NET1: variants seen among roughly 807,000 people sequenced by gnomAD.
The protein encoded by NET1 is neuroepithelial cell-transforming gene 1 protein.
Under a neutral mutation model 61.1 loss-of-function variants are expected in NET1, and 42 were observed. The observed-to-expected ratio is 0.69, with a 90% CI of 0.54 to 0.89. The LOEUF (loss-of-function observed/expected upper bound fraction) is 0.89. NET1 is among the 40% of genes least tolerant of loss of function. The pLI is 0.00. For synonymous variants in NET1, 254 were observed against 281.8 expected (o/e 0.90, Z 0.99); for missense variants, 654 against 747.3 (o/e 0.88, Z 1.46).
In NET1 at chr10:5,426,214, A is replaced by G. The variant is rs1832255951; in HGVS notation, c.129-441A>G. Among the ~76,000 whole-genome samples, 1 of 152,182 alleles carries G rather than the reference A, an allele frequency of 6.6e-6. No homozygotes were observed. Among genetic ancestry groups the G allele is most frequent in the African/African-American group, 2.4e-5 (1 of 41,460 alleles). ...ATTTACATGAAATGCAGATAATGTG[A>G]AGTTAGGTTTTGTTAAGAGTATCCT... On this transcript the variant is annotated intron_variant, in intron 1 of 11. Coordinates refer to ENST00000355029, the MANE Select transcript of NET1 (RefSeq NM_001047160.3). This position sits in a 1 kb window ranked among gnomAD's most constrained non-coding sequence, Gnocchi z 4.6.
rs148517367 is a variant in NET1, at chr10:5,417,148, A to ATGGCCTGCCAGCTGGCCTGCCAGC, written c.128+4329_128+4352dup. 6.6e-6 allele frequency among the ~76,000 whole-genome samples: 1 copy of ATGGCCTGCCAGCTGGCCTGCCAGC among 151,704 alleles called. No individual in the cohort carries two copies. Among genetic ancestry groups the ATGGCCTGCCAGCTGGCCTGCCAGC allele is most frequent in the African/African-American group, 2.4e-5 (1 of 41,256 alleles). ...AAGCTCTGCGTCATTCTGCGAATCG[A>ATGGCCTGCCAGCTGGCCTGCCAGC]TGGCCTGCCAGCTGGCCTGCCAGCG... is the stretch of plus-strand genomic sequence containing the variant. On this transcript the variant is annotated intron_variant, in intron 1 of 11. Transcript: ENST00000355029. This position sits in a 1 kb window ranked among gnomAD's most constrained non-coding sequence, Gnocchi z 5.5.
rs200435671 is a variant in NET1 at position 5,455,070 on chromosome 10, G to A, written c.1149G>A (p.Ala383=). 3.3e-4 allele frequency: 526 copies of A among 1,614,030 alleles called. 2 individuals are homozygous for A. In the Middle Eastern group the frequency reaches 0.01, roughly 31 times the overall value. ...AGCAGAGGGACCCCAGAATCGAAGC[G>A]AGCAAAGTGCTGCTGTGCCATGGGG... The part of the protein sequence containing the change: ...DEKQRDPRIE[A]SKVLLCHGEL... The change falls in exon 10 of 12, where the codon GCG becomes GCA. Residue 383 remains alanine (A), a synonymous_variant. Transcript: ENST00000355029. This position sits in a 1 kb window ranked among gnomAD's most constrained non-coding sequence, Gnocchi z 6.5.
rs1554818455 is a variant in NET1 at position 5,451,511 on chromosome 10, T to TTTAAA, written c.256-319_256-318insTTAAA. On this transcript the variant is annotated intron_variant, in intron 3 of 11. Transcript: ENST00000355029. The surrounding 1 kb of genome is among the most constrained non-coding windows in gnomAD (Gnocchi z 6.1). ...TTTTCATAACAATAAGGCTTTTTTT[T>TTTAAA]AAAAAAAAAAAAAGTTATTCCCTGC... Among the ~76,000 whole-genome samples, 3 of 147,634 alleles carry TTTAAA rather than the reference T, an allele frequency of 2.0e-5. No individual in the cohort carries two copies. The highest frequency in any genetic ancestry group is 4.5e-5 in the Non-Finnish European group (3 of 66,938).
intron 3 of NET1, among the ~76,000 whole-genome samples, chr10:5,436,249 T>TATATATATATATA (rs1491369503): frequency 1.5e-3 from 11 of 7,098 alleles, no homozygotes; most frequent in East Asian, 2.9e-3. Context: ...TATATATATA[T>TATATATATATATA]TTTTTTTTTT....
rs190982077 is a variant in NET1, at chr10:5,451,753, G to T, written c.256-77G>T. The T allele has an allele frequency of 1.7e-4, 184 of 1,088,624 alleles. 1 individual carries two copies. The East Asian group carries it at 3.9e-3, about 23-fold the overall frequency. The allele number at this position is 1,088,624 out of a possible 1,614,324, so 67.4% of individuals were successfully genotyped here. ...ATGTACAAAAATTGTTTTGTGAGAG[G>T]GCTTTACTTTGTCCAAGTTTGTATG... On this transcript the variant is annotated intron_variant, in intron 3 of 11. Transcript: ENST00000355029. The surrounding 1 kb of genome is among the most constrained non-coding windows in gnomAD (Gnocchi z 6.1).
rs1188096628 is a variant in NET1 at position 5,439,738 on chromosome 10, G to A, written c.255+10509G>A. On this transcript the variant is annotated intron_variant, in intron 3 of 11. Transcript: ENST00000355029. This position sits in a 1 kb window ranked among gnomAD's most constrained non-coding sequence, Gnocchi z 4.8. ...GGCTCTGCATTGCAGTTCTCTTCCT[G>A]GCCTTGCCAGAGCATCACACAGCAT... is the stretch of plus-strand genomic sequence containing the variant. 6.6e-6 allele frequency among the ~76,000 whole-genome samples: 1 copy of A among 152,188 alleles called. No homozygotes were observed. The highest frequency in any genetic ancestry group is 1.9e-4 in the East Asian group (1 of 5,190).
chr10:5,456,134 C>G lies in NET1; in HGVS notation c.1245C>G (p.Pro415=), dbSNP rs138136137. The G allele has an allele frequency of 1.9e-6, 3 of 1,614,076 alleles. No individual in the cohort carries two copies. The highest frequency in any genetic ancestry group is 2.5e-6 in the Non-Finnish European group (3 of 1,180,002). The change falls in exon 11 of 12, where the codon CCC becomes CCG. Residue 415 remains proline (P), a synonymous_variant. Transcript: ENST00000355029. The surrounding 1 kb of genome is among the most constrained non-coding windows in gnomAD (Gnocchi z 7.0). The stretch of plus-strand genomic sequence containing the variant: ...AAGACATCTTGGTTCTGACTCGGCC[C>G]GTCACACGGAACGAACGGCACTCTT... ...LFQDILVLTR[P]VTRNERHSYQ...
In NET1 at chr10:5,456,370, A is replaced by G. The variant is rs889374020; in HGVS notation, c.1384+97A>G. Reference sequence around the variant, plus strand: ...AGAATTCTAGAGATGAAATGGCTCCATTGTCCTATACTTGTTACATCCATT... The same window carrying G: ...AGAATTCTAGAGATGAAATGGCTCCGTTGTCCTATACTTGTTACATCCATT... On this transcript the variant is annotated intron_variant, in intron 11 of 11. Coordinates refer to ENST00000355029, the MANE Select transcript of NET1 (RefSeq NM_001047160.3). This position sits in a 1 kb window ranked among gnomAD's most constrained non-coding sequence, Gnocchi z 7.0. 5.6e-5 allele frequency: 69 copies of G among 1,222,514 alleles called. No homozygotes were observed. In the African/African-American group the frequency reaches 1.0e-3, roughly 18 times the overall value. The allele number at this position is 1,222,514 out of a possible 1,614,324, so 75.7% of individuals were successfully genotyped here. A position where few individuals can be genotyped will look rare whatever the true frequency, so the allele number is the denominator to read the frequency against.
rs1339365411 is a variant in NET1, at chr10:5,452,648, G to T, written c.531+123G>T. 3 of 1,079,528 alleles carry T rather than the reference G, an allele frequency of 2.8e-6. No individual in the cohort carries two copies. The highest frequency in any genetic ancestry group is 1.6e-5 in the African/African-American group (1 of 63,068). 66.9% of individuals were successfully genotyped at this position (1,079,528 alleles called of 1,614,324 possible). A position where few individuals can be genotyped will look rare whatever the true frequency, so the allele number is the denominator to read the frequency against. Reference sequence around the variant, plus strand: ...TAATACATGGTGAACAAAACCTAATGATGGATGGTGGTCAAATTAAACAAC... The same window carrying T: ...TAATACATGGTGAACAAAACCTAATTATGGATGGTGGTCAAATTAAACAAC... On this transcript the variant is annotated intron_variant, in intron 5 of 11. Transcript: ENST00000355029. This position sits in a 1 kb window ranked among gnomAD's most constrained non-coding sequence, Gnocchi z 4.0.
At position 5,431,888 on chromosome 10, in the gene NET1, G is replaced by A. The variant is rs1832355943; in HGVS notation, c.255+2659G>A. 6.6e-6 allele frequency among the ~76,000 whole-genome samples: 1 copy of A among 152,134 alleles called. No homozygotes were observed. The highest frequency in any genetic ancestry group is 2.4e-5 in the African/African-American group (1 of 41,414). ...CAAAGTGCTGGGATTACAGGCATGAGCCACCACGCCTGGCCTCATTTCAGT... is the reference window on the plus strand; with the variant it reads ...CAAAGTGCTGGGATTACAGGCATGAACCACCACGCCTGGCCTCATTTCAGT... On this transcript the variant is annotated intron_variant, in intron 3 of 11. Coordinates refer to ENST00000355029, the MANE Select transcript of NET1 (RefSeq NM_001047160.3). The surrounding 1 kb of genome is among the most constrained non-coding windows in gnomAD (Gnocchi z 4.9).
chr10:5,425,896 C>T (rs551178692), intron 1 of NET1, among the ~76,000 whole-genome samples: 16 of 152,208 alleles, frequency 1.1e-4, no homozygotes, highest in African/African-American at 3.6e-4. Context: ...TTATAAACTG[C>T]CTTTATCTCT....
chr10:5,440,007 G>A lies in NET1; in HGVS notation c.255+10778G>A, dbSNP rs1447569105. Among the ~76,000 whole-genome samples, 1 of 152,204 alleles carries A rather than the reference G, an allele frequency of 6.6e-6. No homozygotes were observed. The highest frequency in any genetic ancestry group is 1.5e-5 in the Non-Finnish European group (1 of 68,036). ...CAACACCTGTCCTTTCCTGTAGCGG[G>A]GAGATCCCAGAAAGCCTCAGGCCGT... On this transcript the variant is annotated intron_variant, in intron 3 of 11. Coordinates refer to ENST00000355029, the MANE Select transcript of NET1 (RefSeq NM_001047160.3). This position sits in a 1 kb window ranked among gnomAD's most constrained non-coding sequence, Gnocchi z 4.1.
rs924230561 is a variant in NET1, at chr10:5,446,955, C to T, written c.256-4875C>T. ...AAGGTATTAACAGTATAATTTTAAA[C>T]TTTTGATCTTATTATTACAATGTAT... On this transcript the variant is annotated intron_variant, in intron 3 of 11. Coordinates refer to ENST00000355029, the MANE Select transcript of NET1 (RefSeq NM_001047160.3). The surrounding 1 kb of genome is among the most constrained non-coding windows in gnomAD (Gnocchi z 5.0). The T allele has an allele frequency of 1.0e-5, 9 of 896,720 alleles. No homozygotes were observed. The Admixed American group carries it at 2.0e-4, about 20-fold the overall frequency. The allele number at this position is 896,720 out of a possible 1,614,324, so 55.5% of individuals were successfully genotyped here. A position where few individuals can be genotyped will look rare whatever the true frequency, so the allele number is the denominator to read the frequency against.
intron 1 of NET1, among the ~76,000 whole-genome samples, chr10:5,414,207 T>C (rs1426804901): frequency 1.3e-5 from 2 of 152,162 alleles, no homozygotes; most frequent in African/African-American, 2.4e-5. Context: ...GAGGTAGTCA[T>C]GAGAGATGAT....
In NET1 at chr10:5,452,414, C is replaced by G; in HGVS notation, c.420C>G (p.Ser140Arg). Residue 140 changes from serine to arginine, a missense_variant, in exon 5 of 12, where the codon AGC becomes AGG. Transcript: ENST00000355029. The surrounding 1 kb of genome is among the most constrained non-coding windows in gnomAD (Gnocchi z 4.0). The part of the protein sequence containing the change: ...RSPASAQKFS[S>R]RSTVPTPAKR... ...CAGCCTCTGCCCAGAAGTTTTCTAG[C>G]AGGTCAACAGTCCCAACACCCGCCA... 6.2e-7 allele frequency: 1 copy of G among 1,614,006 alleles called. No individual in the cohort carries two copies. Among genetic ancestry groups the G allele is most frequent in the Non-Finnish European group, 8.5e-7 (1 of 1,179,930 alleles).
rs34658946 is a variant in NET1, at chr10:5,456,139, C to T, written c.1250C>T (p.Thr417Ile). ...ATCTTGGTTCTGACTCGGCCCGTCA[C>T]ACGGAACGAACGGCACTCTTACCAG... ...QDILVLTRPVTRNERHSYQVY... is the reference protein window; with the variant it reads ...QDILVLTRPVIRNERHSYQVY... The change falls in exon 11 of 12, where the codon ACA (threonine) becomes ATA (isoleucine). Residue 417 changes from threonine (T) to isoleucine (I), a missense_variant. Physicochemically the swap from Thr to Ile is moderately conservative, Grantham distance 89. Coordinates refer to ENST00000355029, the MANE Select transcript of NET1 (RefSeq NM_001047160.3). This position sits in a 1 kb window ranked among gnomAD's most constrained non-coding sequence, Gnocchi z 7.0. 2.1e-3 allele frequency: 3,446 copies of T among 1,614,172 alleles called. 87 individuals carry two copies. The African/African-American group carries it at 0.04, about 19-fold the overall frequency.
At chr10:5,432,795 T>G (rs1189107323) in intron 3 of NET1, among the ~76,000 whole-genome samples, 1 of 152,128 alleles carries the variant, frequency 6.6e-6, no homozygotes, top group African/African-American at 2.4e-5. Flanking sequence ...TTCCACTTTC[T>G]TGGATGAACT....
In NET1 at chr10:5,446,681, A is replaced by G; in HGVS notation, c.256-5149A>G. 7.3e-7 allele frequency: 1 copy of G among 1,369,718 alleles called. No homozygotes were observed. Among genetic ancestry groups the G allele is most frequent in the Non-Finnish European group, 9.5e-7 (1 of 1,049,432 alleles). The allele number at this position is 1,369,718 out of a possible 1,614,324, so 84.8% of individuals were successfully genotyped here. ...GAGGGTGGCCGAGCTCTGGGAAGAA[A>G]AGCCCGTGTGCCTCTGCATAGCGTC... is the stretch of plus-strand genomic sequence containing the variant. On this transcript the variant is annotated intron_variant, in intron 3 of 11. Coordinates refer to ENST00000355029, the MANE Select transcript of NET1 (RefSeq NM_001047160.3). This position sits in a 1 kb window ranked among gnomAD's most constrained non-coding sequence, Gnocchi z 5.0.
Position 5,455,064 on chromosome 10 carries a change from C to T in NET1, c.1143C>T (p.Ile381=), listed in dbSNP as rs113255666. ...ATGAAAAGCAGAGGGACCCCAGAAT[C>T]GAAGCGAGCAAAGTGCTGCTGTGCC... ...YLDEKQRDPR[I]EASKVLLCHG... The change falls in exon 10 of 12, where the codon ATC becomes ATT. Residue 381 remains isoleucine, a synonymous_variant. Transcript: ENST00000355029. The surrounding 1 kb of genome is among the most constrained non-coding windows in gnomAD (Gnocchi z 6.5). 1.9e-6 allele frequency: 3 copies of T among 1,614,042 alleles called. No individual in the cohort carries two copies. The highest frequency in any genetic ancestry group is 1.7e-4 in the Middle Eastern group (1 of 5,954).
Sources: gnomAD v4.1 joint callset for allele counts (sites outside exome capture counted in the v4.1 genomes callset) on GRCh38, gnomAD v4.1.1 for gene constraint, Gnocchi (gnomAD v3.1) non-coding constraint, MANE v1.5 for transcripts, NCBI Gene and HGNC (gene_info 2026-07-23, HGNC 2026-07-21) for gene names.